Variants in OR2A1 observed in about 807,000 individuals in gnomAD.
OR2A1 encodes olfactory receptor 2A1/2A42.
For missense variants in OR2A1, 1 was observed against 212.3 expected (o/e 0.00, Z 6.19); for synonymous variants, 2 against 94.7 (o/e 0.02, Z 5.68).
rs1298592135 is a variant in OR2A1 at position 144,322,304 on chromosome 7, A to C, written c.*3247A>C. 2 of 148,680 alleles carry C rather than the reference A, an allele frequency of 1.3e-5. No homozygotes were observed. Among genetic ancestry groups the C allele is most frequent in the African/African-American group, 5.0e-5 (2 of 39,844 alleles). The allele number at this position is 148,680 out of a possible 1,614,324, so 9.2% of individuals were successfully genotyped here. On this transcript the variant is annotated 3_prime_UTR_variant, in exon 2 of 2. Transcript: ENST00000641044. ...AAAACATACGGAATACATAGAGGAC[A>C]CTTTATCTGTTGACCCCATTTCCAA...
In OR2A1 at chr7:144,322,726, T is replaced by C. The variant is rs1424081575; in HGVS notation, c.*3669T>C. 1.3e-5 allele frequency: 2 copies of C among 150,734 alleles called. No individual in the cohort carries two copies. The highest frequency in any genetic ancestry group is 2.5e-5 in the African/African-American group (1 of 40,796). 9.3% of individuals were successfully genotyped at this position (150,734 alleles called of 1,614,324 possible). A position where few individuals can be genotyped will look rare whatever the true frequency, so the allele number is the denominator to read the frequency against. On this transcript the variant is annotated 3_prime_UTR_variant, in exon 2 of 2. Coordinates refer to ENST00000641044, the MANE Select transcript of OR2A1 (RefSeq NM_001005287.2). ...TAGTAGACACACAATAAACTTTGAC[T>C]AAATGAACAAATGAGTGGTTGTGTT...
chr7:144,315,626 AT>A (rs957906173), intron 1 of OR2A1, among the ~76,000 whole-genome samples: 3 of 82,274 alleles, frequency 3.6e-5, no homozygotes, highest in African/African-American at 1.1e-4. Context: ...TGCATAGTGG[AT>A]TTTTTTTCTT....
chr7:144,313,409 G>T (rs1470887896), intron 1 of OR2A1, among the ~76,000 whole-genome samples: 1 of 47,630 alleles, frequency 2.1e-5, no homozygotes, highest in African/African-American at 1.6e-4. Context: ...TTTTTTTGTT[G>T]TTGTTTGTTT....
Position 144,322,228 on chromosome 7 carries a change from G to A in OR2A1, c.*3171G>A, listed in dbSNP as rs1412489374. 4 of 146,214 alleles carry A rather than the reference G, an allele frequency of 2.7e-5. No individual in the cohort carries two copies. The East Asian group carries it at 7.8e-4, about 29-fold the overall frequency. The allele number at this position is 146,214 out of a possible 1,614,324, so 9.1% of individuals were successfully genotyped here. A position where few individuals can be genotyped will look rare whatever the true frequency, so the allele number is the denominator to read the frequency against. On this transcript the variant is annotated 3_prime_UTR_variant, in exon 2 of 2. Coordinates refer to ENST00000641044, the MANE Select transcript of OR2A1 (RefSeq NM_001005287.2). ...CTTCACAAAGGGAAGGACAAGCACT[G>A]GTTCATCTCTTTACACCTATACATT...
chr7:144,317,664 A>G (rs2053106771), intron 1 of OR2A1, among the ~76,000 whole-genome samples: 1 of 92,502 alleles, frequency 1.1e-5, no homozygotes, highest in African/African-American at 4.6e-5. Context: ...CTGTTATTAT[A>G]TAAACTGCTC....
rs1375215463 is a variant in OR2A1 at position 144,315,387 on chromosome 7, C to T, written c.-4-2734C>T. On this transcript the variant is annotated intron_variant, in intron 1 of 1. Transcript: ENST00000641044. ...AAAACTATGCATTCATTCATTTATT[C>T]ATTTGTATTTATTCATTAATTTGTC... Among the ~76,000 whole-genome samples the T allele has an allele frequency of 2.3e-4, 13 of 56,412 alleles. 5 individuals carry two copies. The highest frequency in any genetic ancestry group is 8.4e-4 in the African/African-American group (12 of 14,282). The allele number at this position is 56,412 out of a possible 152,430, so 37.0% of individuals were successfully genotyped here. A position where few individuals can be genotyped will look rare whatever the true frequency, so the allele number is the denominator to read the frequency against.
chr7:144,313,455 CT>C (rs1375699737), intron 1 of OR2A1, among the ~76,000 whole-genome samples: 2 of 130,648 alleles, frequency 1.5e-5, no homozygotes, highest in African/African-American at 5.7e-5. Flanking sequence ...GAATTTCTGG[CT>C]TGCTTAAATC....
At chr7:144,316,128 T>A (rs1219979652) in intron 1 of OR2A1, among the ~76,000 whole-genome samples, 1 of 150,894 alleles carries the variant, frequency 6.6e-6, no homozygotes, top group African/African-American at 2.4e-5. Flanking sequence ...GAGTATTTTT[T>A]TAATAGAATC....
chr7:144,313,471 C>G (rs1409491366), intron 1 of OR2A1, among the ~76,000 whole-genome samples: 3 of 135,562 alleles, frequency 2.2e-5, no homozygotes, highest in Non-Finnish European at 1.6e-5. Context: ...TAAATCTTGC[C>G]TACTATAATC....
chr7:144,315,965 G>A (rs868029207), intron 1 of OR2A1, among the ~76,000 whole-genome samples: 19 of 94,260 alleles, frequency 2.0e-4, no homozygotes, highest in South Asian at 6.2e-4. Flanking sequence ...TCACACCACC[G>A]CATTCCAGGG....
rs1435542483 is a variant in OR2A1, at chr7:144,322,630, A to G, written c.*3573A>G. 2 of 150,156 alleles carry G rather than the reference A, an allele frequency of 1.3e-5. 1 individual carries two copies. Among genetic ancestry groups the G allele is most frequent in the Non-Finnish European group, 3.0e-5 (2 of 67,614 alleles). 9.3% of individuals were successfully genotyped at this position (150,156 alleles called of 1,614,324 possible). On this transcript the variant is annotated 3_prime_UTR_variant, in exon 2 of 2. Transcript: ENST00000641044. ...GACCAGGCAGTCTGACTGTAAATAA[A>G]TTCTGAGCCACTCTCTTGCAGAGGA...
rs1304195011 is a variant in OR2A1, at chr7:144,320,826, AC to A, written c.*1770del. 1 of 44,392 alleles carries A rather than the reference AC, an allele frequency of 2.3e-5. No homozygotes were observed. Among genetic ancestry groups the A allele is most frequent in the Non-Finnish European group, 3.9e-5 (1 of 25,864 alleles). The allele number at this position is 44,392 out of a possible 1,614,324, so 2.7% of individuals were successfully genotyped here. On this transcript the variant is annotated 3_prime_UTR_variant, in exon 2 of 2. Transcript: ENST00000641044. ...GAAAAACAAACAAACAAACAAACAA[AC>A]AAACAAAAAACAGCTTTTTTTATAC...
rs1271075004 is a variant in OR2A1 at position 144,320,519 on chromosome 7, A to G, written c.*1462A>G. The G allele has an allele frequency of 8.6e-6, 1 of 116,228 alleles. No individual in the cohort carries two copies. Among genetic ancestry groups the G allele is most frequent in the African/African-American group, 4.1e-5 (1 of 24,118 alleles). The allele number at this position is 116,228 out of a possible 1,614,324, so 7.2% of individuals were successfully genotyped here. ...AAGTAAGAGCTCTTTAAGTCCTCAT[A>G]AAAACCCTATGAGGTAGAGACTATT... On this transcript the variant is annotated 3_prime_UTR_variant, in exon 2 of 2. Coordinates refer to ENST00000641044, the MANE Select transcript of OR2A1 (RefSeq NM_001005287.2).
In OR2A1 at chr7:144,322,514, C is replaced by T. The variant is rs2053179223; in HGVS notation, c.*3457C>T. ...TATGTGGAGTAGGTACTAATACTAT[C>T]CTAACATTAAAGGGGGGGAAATAAA... On this transcript the variant is annotated 3_prime_UTR_variant, in exon 2 of 2. Transcript: ENST00000641044. The T allele has an allele frequency of 2.7e-5, 4 of 150,730 alleles. No individual in the cohort carries two copies. The South Asian group carries it at 8.3e-4, about 31-fold the overall frequency. The allele number at this position is 150,730 out of a possible 1,614,324, so 9.3% of individuals were successfully genotyped here.
At chr7:144,314,264 G>GA (rs1171987786) in intron 1 of OR2A1, among the ~76,000 whole-genome samples, 94 of 22,074 alleles carry the variant, frequency 4.3e-3, no homozygotes, top group South Asian at 0.011. Flanking sequence ...AAAAGAGAAA[G>GA]AAAAAAAAAA....
rs1312877079 is a variant in OR2A1, at chr7:144,321,609, T to C, written c.*2552T>C. On this transcript the variant is annotated 3_prime_UTR_variant, in exon 2 of 2. Coordinates refer to ENST00000641044, the MANE Select transcript of OR2A1 (RefSeq NM_001005287.2). ...TTCCAGATGTACCATTTGCTAGCTG[T>C]GTTTTTTGCAGAGAAGTCCCTTAAA... The C allele has an allele frequency of 1.3e-5, 2 of 149,748 alleles. No homozygotes were observed. Among genetic ancestry groups the C allele is most frequent in the East Asian group, 3.9e-4 (2 of 5,148 alleles). 9.3% of individuals were successfully genotyped at this position (149,748 alleles called of 1,614,324 possible).
intron 1 of OR2A1, among the ~76,000 whole-genome samples, chr7:144,315,966 C>T (rs1048432625): frequency 2.1e-5 from 2 of 94,632 alleles, no homozygotes; most frequent in African/African-American, 6.4e-5. Context: ...CACACCACCG[C>T]ATTCCAGGGC....
At chr7:144,313,337 T>TA (rs2128835658) in intron 1 of OR2A1, among the ~76,000 whole-genome samples, 1 of 92,222 alleles carries the variant, frequency 1.1e-5, no homozygotes, top group South Asian at 3.5e-4. Context: ...TTCACCTTTT[T>TA]AGTCACTTAC....
At chr7:144,317,994 ATTAAC>A in intron 1 of OR2A1, 122 bp from the exon 2 acceptor site, 1 of 393,566 alleles carries the variant, frequency 2.5e-6, no homozygotes, top group Non-Finnish European at 4.3e-6. Context: ...ACAATCAGTA[ATTAAC>A]TTAATGTGTA....
Sources: gnomAD v4.1 joint callset for allele counts (sites outside exome capture counted in the v4.1 genomes callset) on GRCh38, gnomAD v4.1.1 for gene constraint, MANE v1.5 for transcripts, NCBI Gene and HGNC (gene_info 2026-07-23, HGNC 2026-07-21) for gene names.